Variants in SNTG1 observed in about 807,000 individuals in gnomAD.
The protein encoded by SNTG1 is gamma-1-syntrophin.
SNTG1 carries 39 observed loss-of-function variants against 74.7 expected under a neutral mutation model. The observed-to-expected ratio is 0.52, with a 90% confidence interval of 0.40 to 0.68. The LOEUF is 0.68. Among genes scored for constraint, SNTG1 ranks in the 30% least tolerant of loss-of-function variants. The pLI is 0.00. For synonymous variants in SNTG1, 254 were observed against 217.1 expected (o/e 1.17, Z -1.49); for missense variants, 685 against 609.5 (o/e 1.12, Z -1.30).
intron 1 of SNTG1, among the ~76,000 whole-genome samples, chr8:50,152,846 T>G (rs2082116877): frequency 6.6e-6 from 1 of 152,224 alleles, no homozygotes; most frequent in Non-Finnish European, 1.5e-5. Context: ...CATTTTTTCC[T>G]CCATTTCAAC....
intron 1 of SNTG1, among the ~76,000 whole-genome samples, chr8:49,920,611 A>G (rs550443777): frequency 6.6e-6 from 1 of 152,246 alleles, no homozygotes; most frequent in Non-Finnish European, 1.5e-5. Context: ...CTTTAGTTTT[A>G]CTAACTAAGT....
chr8:50,746,584 A>G (rs539531387), intron 17 of SNTG1, among the ~76,000 whole-genome samples: 22 of 151,956 alleles, frequency 1.4e-4, no homozygotes, highest in Non-Finnish European at 2.4e-4. Context: ...CACAATGAAT[A>G]AATGTAACAT....
intron 2 of SNTG1, among the ~76,000 whole-genome samples, chr8:50,181,929 G>A (rs1392885567): frequency 3.3e-5 from 5 of 152,082 alleles, no homozygotes; most frequent in Admixed American, 2.6e-4. Context: ...AATTGACCAA[G>A]CAAAGAAACA....
At chr8:50,510,375 T>C (rs749002197) in intron 9 of SNTG1, among the ~76,000 whole-genome samples, 1 of 152,198 alleles carries the variant, frequency 6.6e-6, no homozygotes, top group Non-Finnish European at 1.5e-5. Context: ...TCTTAAATTG[T>C]CTTTTTTTGT....
chr8:50,056,164 C>T (rs913282851), intron 1 of SNTG1, among the ~76,000 whole-genome samples: 4 of 152,090 alleles, frequency 2.6e-5, no homozygotes, highest in Non-Finnish European at 4.4e-5. Flanking sequence ...CCCCGGTACT[C>T]CTGCTTTAAT....
At chr8:50,453,235 C>T (rs1166172896) in intron 8 of SNTG1, among the ~76,000 whole-genome samples, 1 of 152,100 alleles carries the variant, frequency 6.6e-6, no homozygotes, top group Non-Finnish European at 1.5e-5. Context: ...TGGACAGTAC[C>T]TGGTGCTGTG....
intron 12 of SNTG1, among the ~76,000 whole-genome samples, chr8:50,574,723 C>T (rs969560466): frequency 9.9e-5 from 15 of 151,952 alleles, no homozygotes; most frequent in South Asian, 6.2e-4. Flanking sequence ...TAATAACTTA[C>T]GAATGGTTTA....
At chr8:50,574,676 G>A (rs1013859608) in intron 12 of SNTG1, among the ~76,000 whole-genome samples, 1 of 151,952 alleles carries the variant, frequency 6.6e-6, no homozygotes, top group Admixed American at 6.6e-5. Context: ...CACTTTTAAT[G>A]GATTAATAGA....
At chr8:50,032,840 T>G (rs899649502) in intron 1 of SNTG1, among the ~76,000 whole-genome samples, 2 of 152,182 alleles carry the variant, frequency 1.3e-5, no homozygotes, top group African/African-American at 4.8e-5. Flanking sequence ...AACCATCAAA[T>G]TAGCCAATTA....
chr8:49,932,209 C>T (rs1050159970), intron 1 of SNTG1, among the ~76,000 whole-genome samples: 7 of 152,120 alleles, frequency 4.6e-5, no homozygotes, highest in African/African-American at 1.2e-4. Context: ...GTTTTAGTTC[C>T]TATTACAGCT....
intron 1 of SNTG1, among the ~76,000 whole-genome samples, chr8:50,160,648 G>A (rs940541215): frequency 7.2e-6 from 1 of 139,470 alleles, no homozygotes; most frequent in African/African-American, 2.9e-5. Context: ...TGTGATCTGA[G>A]TCATAATATA....
intron 15 of SNTG1, among the ~76,000 whole-genome samples, chr8:50,659,926 A>T (rs2095208935): frequency 6.7e-6 from 1 of 149,316 alleles, no homozygotes; most frequent in African/African-American, 2.5e-5. Context: ...TGCAACCTCC[A>T]CCTCCCAGGT....
chr8:50,477,878 T>C (rs2131798963), intron 8 of SNTG1, among the ~76,000 whole-genome samples: 1 of 152,336 alleles, frequency 6.6e-6, no homozygotes, highest in South Asian at 2.1e-4. Context: ...TATTTATTTT[T>C]CTCTCTCTCC....
intron 2 of SNTG1, chr8:50,382,247 A>G (rs1484508113): frequency 6.6e-6 from 1 of 152,072 alleles, no homozygotes; most frequent in East Asian, 1.9e-4. Flanking sequence ...CATCATATCT[A>G]TGTTACTAAT....
At chr8:50,694,219 A>G (rs2095394751) in intron 15 of SNTG1, among the ~76,000 whole-genome samples, 1 of 151,972 alleles carries the variant, frequency 6.6e-6, no homozygotes, top group Non-Finnish European at 1.5e-5. Flanking sequence ...AAAAGATAAG[A>G]GACTCAAATA....
Position 50,438,935 on chromosome 8 carries a change from T to C in SNTG1, c.219+336T>C, listed in dbSNP as rs116329445. On this transcript the variant is annotated intron_variant, in intron 5 of 18. Transcript: ENST00000642720. ...GTAGGAAATGATGATCTGCAGTAAA[T>C]AGAACAATAACAAGTTTCACACTAA... Among the ~76,000 whole-genome samples the C allele has an allele frequency of 1.4e-3, 216 of 152,270 alleles. 1 individual carries two copies. Among genetic ancestry groups the C allele is most frequent in the African/African-American group, 5.0e-3 (208 of 41,580 alleles).
At chr8:50,230,785 T>A (rs1323689251) in intron 2 of SNTG1, among the ~76,000 whole-genome samples, 1 of 150,864 alleles carries the variant, frequency 6.6e-6, no homozygotes, top group East Asian at 1.9e-4. Context: ...GACTGGACAC[T>A]GTAAAACTAC....
chr8:50,088,130 C>T lies in SNTG1; in HGVS notation c.-102-84431C>T, dbSNP rs1586212704. Among the ~76,000 whole-genome samples, 6 of 150,514 alleles carry T rather than the reference C, an allele frequency of 4.0e-5. 1 individual carries two copies. In the South Asian group the frequency reaches 1.3e-3, roughly 32 times the overall value. On this transcript the variant is annotated intron_variant, in intron 1 of 18. Coordinates refer to ENST00000642720, the MANE Select transcript of SNTG1 (RefSeq NM_018967.5). ...ACGAACTCATCATTTTTTATGGCTG[C>T]ATAGTATTCCATGGCGTATATGTGC...
At chr8:50,342,745 GA>G (rs1339764767) in intron 2 of SNTG1, among the ~76,000 whole-genome samples, 1 of 151,810 alleles carries the variant, frequency 6.6e-6, no homozygotes, top group Non-Finnish European at 1.5e-5. Flanking sequence ...AACTTTGCAA[GA>G]AAAAAAGGAT....
Sources: allele counts gnomAD v4.1 joint callset (sites outside exome capture counted in the v4.1 genomes callset), GRCh38; gene constraint gnomAD v4.1.1; transcripts MANE v1.5; gene names NCBI Gene and HGNC (gene_info 2026-07-23, HGNC 2026-07-21).